The following ZNF420 variants were observed in gnomAD, a reference collection of about 807,000 sequenced individuals.
ZNF420 encodes ATM and p53-associated KZNF protein.
Under a neutral mutation model 44.7 loss-of-function variants are expected in ZNF420, and 31 were observed. That is an observed-to-expected ratio of 0.69 (90% CI 0.52 to 0.94). The LOEUF (loss-of-function observed/expected upper bound fraction) is 0.94, where lower values mean the gene tolerates loss of function less well. ZNF420 is among the 40% of genes least tolerant of loss of function. ZNF420 has a pLI of 0.00. For synonymous variants in ZNF420, 245 were observed against 267.4 expected (o/e 0.92, Z 0.82); for missense variants, 681 against 827.9 (o/e 0.82, Z 2.18).
chr19:37,112,139 A>C (rs10403718), intron 4 of ZNF420, among the ~76,000 whole-genome samples: 79,602 of 151,734 alleles, frequency 0.52, 21,627 homozygotes, highest in African/African-American at 0.63. Flanking sequence ...GTTTAGGAGG[A>C]TCTACAGTGG....
intron 4 of ZNF420, among the ~76,000 whole-genome samples, chr19:37,126,551 G>A (rs571328055): frequency 6.6e-6 from 1 of 152,120 alleles, no homozygotes; most frequent in Middle Eastern, 3.2e-3. Context: ...ATCTGAATCA[G>A]TTGATAGGAA....
chr19:37,124,919 C>G (rs1971262996), intron 4 of ZNF420, among the ~76,000 whole-genome samples: 1 of 152,166 alleles, frequency 6.6e-6, no homozygotes, highest in South Asian at 2.1e-4. Flanking sequence ...TCACTGCAAC[C>G]TCCGCCTCCC....
In ZNF420 at chr19:37,127,577, G is replaced by A; in HGVS notation, c.586G>A (p.Ala196Thr). The A allele has an allele frequency of 6.2e-7, 1 of 1,613,880 alleles. No homozygotes were observed. Among genetic ancestry groups the A allele is most frequent in the Middle Eastern group, 1.7e-4 (1 of 6,060 alleles). ...QRLHTGEKPY[A>T]CKECGKAFTQ... is the part of the protein sequence containing the mutation. ...ACTTCATACTGGTGAGAAACCCTATGCATGTAAGGAATGTGGGAAGGCCTT... is the reference window on the plus strand; with the variant it reads ...ACTTCATACTGGTGAGAAACCCTATACATGTAAGGAATGTGGGAAGGCCTT... Residue 196 changes from alanine to threonine, a missense_variant, in exon 5 of 5, where the codon GCA (alanine) becomes ACA (threonine). This residue lies in a region of ZNF420 where 350 missense variants were observed against 382.5 expected (regional missense o/e 0.92). Transcript: ENST00000337995.
intron 1 of ZNF420, among the ~76,000 whole-genome samples, chr19:37,023,136 T>G (rs1745754264): frequency 7.3e-6 from 1 of 136,946 alleles, no homozygotes; most frequent in South Asian, 2.3e-4. Context: ...AGACTCCGTC[T>G]CAAAGAAAAA....
At chr19:37,012,860 ACTTT>A (rs1472570641) in intron 1 of ZNF420, among the ~76,000 whole-genome samples, 4 of 124,924 alleles carry the variant, frequency 3.2e-5, no homozygotes, top group Non-Finnish European at 5.4e-5. Context: ...TCTCTTTCTT[ACTTT>A]CTTTGTCTGT....
intron 1 of ZNF420, among the ~76,000 whole-genome samples, chr19:37,019,351 G>C (rs1166327261): frequency 3.9e-5 from 6 of 152,248 alleles, no homozygotes; most frequent in African/African-American, 1.4e-4. Flanking sequence ...CATTAGAAAG[G>C]CTGCCGTTAA....
At chr19:37,073,174 T>C (rs2146457266) in intron 1 of ZNF420, among the ~76,000 whole-genome samples, 1 of 152,162 alleles carries the variant, frequency 6.6e-6, no homozygotes, top group East Asian at 1.9e-4. Context: ...ACCACTGCAC[T>C]CCAGCCTGGG....
chr19:37,015,359 G>A (rs1421382677), intron 1 of ZNF420, among the ~76,000 whole-genome samples: 2 of 152,128 alleles, frequency 1.3e-5, no homozygotes, highest in Admixed American at 6.5e-5. Flanking sequence ...TCCCCACCCC[G>A]GGGAGCCACT....
At chr19:37,094,506 A>C (rs990525972) in intron 4 of ZNF420, among the ~76,000 whole-genome samples, 19 of 152,152 alleles carry the variant, frequency 1.2e-4, no homozygotes, top group African/African-American at 4.3e-4. Context: ...TATATATTTA[A>C]TGGACATTAT....
chr19:37,039,875 T>G (rs1002997729), intron 1 of ZNF420, among the ~76,000 whole-genome samples: 2 of 151,442 alleles, frequency 1.3e-5, no homozygotes, highest in African/African-American at 4.8e-5. Flanking sequence ...TACTTTTTGA[T>G]TTGTTTTTTT....
intron 1 of ZNF420, among the ~76,000 whole-genome samples, chr19:37,011,227 C>T (rs1165400892): frequency 1.3e-5 from 2 of 152,206 alleles, no homozygotes; most frequent in Non-Finnish European, 2.9e-5. Context: ...GATTGTTTCT[C>T]TCTCCAAACC....
chr19:37,123,037 C>T (rs1971142536), intron 4 of ZNF420, among the ~76,000 whole-genome samples: 2 of 152,174 alleles, frequency 1.3e-5, no homozygotes, highest in South Asian at 2.1e-4. Context: ...ATTGTTCCAA[C>T]CTTTCAGGCA....
upstream of ZNF420, among the ~76,000 whole-genome samples, chr19:37,074,266 AT>A (rs1968110455): frequency 6.6e-6 from 1 of 152,234 alleles, no homozygotes; most frequent in Non-Finnish European, 1.5e-5. Context: ...ATTTAGTATC[AT>A]TGGTAATGGA....
At chr19:37,094,006 G>C (rs1030576905) in intron 4 of ZNF420, among the ~76,000 whole-genome samples, 1 of 152,200 alleles carries the variant, frequency 6.6e-6, no homozygotes, top group Non-Finnish European at 1.5e-5. Flanking sequence ...CCAAACTTGT[G>C]TGTACTTTAG....
chr19:37,053,434 C>T (rs887934626), intron 1 of ZNF420, among the ~76,000 whole-genome samples: 6 of 152,214 alleles, frequency 3.9e-5, no homozygotes, highest in African/African-American at 1.2e-4. Flanking sequence ...AGGAGAGGCA[C>T]TCTGATTTTT....
chr19:37,076,317 A>G (rs767635309), upstream of ZNF420, among the ~76,000 whole-genome samples: 5 of 152,004 alleles, frequency 3.3e-5, no homozygotes, highest in African/African-American at 4.8e-5. Flanking sequence ...TAAAAAAAAA[A>G]ACAAAACCCA....
At chr19:37,081,700 A>ATTTTTTTTTT (rs35066350) in intron 2 of ZNF420, among the ~76,000 whole-genome samples, 1 of 66,912 alleles carries the variant, frequency 1.5e-5, no homozygotes, top group African/African-American at 6.1e-5. Flanking sequence ...TAATTTTTGT[A>ATTTTTTTTTT]TTTTTTTTTT....
At chr19:37,015,168 G>A (rs2074600660) in intron 1 of ZNF420, among the ~76,000 whole-genome samples, 2 of 152,226 alleles carry the variant, frequency 1.3e-5, no homozygotes, top group African/African-American at 4.8e-5. Flanking sequence ...GTGGTTTCTT[G>A]TGAAACAAAT....
At chr19:37,068,431 G>A (rs1968005639) in intron 1 of ZNF420, among the ~76,000 whole-genome samples, 1 of 152,138 alleles carries the variant, frequency 6.6e-6, no homozygotes, top group Admixed American at 6.5e-5. Flanking sequence ...CCTGAGGTCA[G>A]CAGTTCAAGA....
Sources: gnomAD v4.1 joint callset for allele counts (sites outside exome capture counted in the v4.1 genomes callset) on GRCh38, gnomAD v4.1.1 for gene constraint, gnomAD v4.1.1 regional missense constraint, MANE v1.5 for transcripts, NCBI Gene and HGNC (gene_info 2026-07-23, HGNC 2026-07-21) for gene names.